Variants in ST6GALNAC3 observed in about 807,000 individuals in gnomAD.
The protein encoded by ST6GALNAC3 is alpha-N-acetylgalactosaminide alpha-2,6-sialyltransferase 3.
ST6GALNAC3 carries 25 observed loss-of-function variants against 32.7 expected under a neutral mutation model. That is an observed-to-expected ratio of 0.76 (90% CI 0.56 to 1.07). The LOEUF is 1.07. Ranked by LOEUF, ST6GALNAC3 falls within the 50% of genes least tolerant of loss-of-function variation. The probability of loss-of-function intolerance (pLI) is 0.00; values close to 1 mark genes in which losing one functional copy is unlikely to be tolerated. For synonymous variants in ST6GALNAC3, 129 were observed against 133.1 expected, an observed-to-expected ratio of 0.97 and a Z score of 0.21; for missense variants, 355 against 382.4, an observed-to-expected ratio of 0.93 and a Z score of 0.60.
chr1:76,631,028 T>C lies in ST6GALNAC3; in HGVS notation c.*2222T>C, dbSNP rs1009934113. The C allele has an allele frequency of 3.0e-6, 3 of 985,508 alleles. No homozygotes were observed. Among genetic ancestry groups the C allele is most frequent in the Non-Finnish European group, 3.6e-6 (3 of 829,848 alleles). 61.0% of individuals were successfully genotyped at this position (985,508 alleles called of 1,614,324 possible). The stretch of plus-strand genomic sequence containing the variant: ...AACTCTTATTTGTTCTAGCCCCTAC[T>C]GATGAGAAACATTTGAAAACTTGCT... On this transcript the variant is annotated 3_prime_UTR_variant, in exon 5 of 5. Transcript: ENST00000328299.
chr1:76,446,095 C>T (rs1557892842), intron 3 of ST6GALNAC3, among the ~76,000 whole-genome samples: 1 of 152,214 alleles, frequency 6.6e-6, no homozygotes, highest in Admixed American at 6.5e-5. Context: ...ATTCCTTGTA[C>T]AGCCAACAAT....
intron 3 of ST6GALNAC3, among the ~76,000 whole-genome samples, chr1:76,430,900 C>T (rs1655706333): frequency 6.6e-6 from 1 of 152,200 alleles, no homozygotes; most frequent in African/African-American, 2.4e-5. Context: ...TGATTTCATA[C>T]TTACAAAGTA....
chr1:76,579,508 T>C (rs1246277569), intron 3 of ST6GALNAC3, among the ~76,000 whole-genome samples: 3 of 152,122 alleles, frequency 2.0e-5, no homozygotes, highest in African/African-American at 7.2e-5. Context: ...AATTATCTAA[T>C]GCATCATACA....
chr1:76,580,090 A>G (rs1233163984), intron 3 of ST6GALNAC3, among the ~76,000 whole-genome samples: 2 of 152,058 alleles, frequency 1.3e-5, no homozygotes, highest in African/African-American at 4.8e-5. Flanking sequence ...TTTTATTTAC[A>G]GTTTTCAAAA....
At chr1:76,450,975 G>A (rs1007268044) in intron 3 of ST6GALNAC3, among the ~76,000 whole-genome samples, 1 of 152,128 alleles carries the variant, frequency 6.6e-6, no homozygotes, top group East Asian at 1.9e-4. Flanking sequence ...TTTGAAGTCA[G>A]GTAATGTGAT....
intron 1 of ST6GALNAC3, among the ~76,000 whole-genome samples, chr1:76,217,714 A>G (rs1343179122): frequency 6.6e-6 from 1 of 152,144 alleles, no homozygotes; most frequent in East Asian, 1.9e-4. Flanking sequence ...TATCATTCTT[A>G]CGCCTTTGCG....
intron 1 of ST6GALNAC3, among the ~76,000 whole-genome samples, chr1:76,165,672 C>T (rs1652077422): frequency 6.6e-6 from 1 of 152,174 alleles, no homozygotes; most frequent in Non-Finnish European, 1.5e-5. Context: ...ACAACTTCAC[C>T]AGCATCTGTT....
chr1:76,466,026 A>G (rs920748209), intron 3 of ST6GALNAC3, among the ~76,000 whole-genome samples: 4 of 152,152 alleles, frequency 2.6e-5, no homozygotes, highest in African/African-American at 7.2e-5. Context: ...GTATCACTGT[A>G]AAATGTTTTA....
At chr1:76,609,814 C>G (rs992944938) in intron 3 of ST6GALNAC3, among the ~76,000 whole-genome samples, 2 of 152,016 alleles carry the variant, frequency 1.3e-5, no homozygotes, top group African/African-American at 4.8e-5. Context: ...ATTAGCACCC[C>G]CCTTGACTTG....
chr1:76,351,861 A>G (rs1171372374), intron 2 of ST6GALNAC3, among the ~76,000 whole-genome samples: 1 of 152,192 alleles, frequency 6.6e-6, no homozygotes, highest in Admixed American at 6.5e-5. Flanking sequence ...GCAGGCTATA[A>G]TTACAATGCA....
At chr1:76,520,275 A>G (rs1252591657) in intron 3 of ST6GALNAC3, among the ~76,000 whole-genome samples, 1 of 152,198 alleles carries the variant, frequency 6.6e-6, no homozygotes, top group Non-Finnish European at 1.5e-5. Flanking sequence ...ACAAGGGAAG[A>G]GAGACACATA....
At chr1:76,295,335 G>A (rs1660337869) in intron 1 of ST6GALNAC3, among the ~76,000 whole-genome samples, 2 of 152,078 alleles carry the variant, frequency 1.3e-5, no homozygotes, top group South Asian at 4.1e-4. Flanking sequence ...TCTACCAAGT[G>A]TATTATGCTT....
At chr1:76,486,972 C>T (rs915029205) in intron 3 of ST6GALNAC3, among the ~76,000 whole-genome samples, 18 of 152,094 alleles carry the variant, frequency 1.2e-4, no homozygotes, top group Non-Finnish European at 2.6e-4. Flanking sequence ...TTTTATTTCT[C>T]CTTCATTTGT....
intron 1 of ST6GALNAC3, among the ~76,000 whole-genome samples, chr1:76,217,458 C>T (rs533705440): frequency 2.0e-5 from 3 of 152,204 alleles, no homozygotes; most frequent in Non-Finnish European, 2.9e-5. Context: ...AATAGTGCCT[C>T]CTCTTCCCTA....
intron 1 of ST6GALNAC3, among the ~76,000 whole-genome samples, chr1:76,182,719 G>C (rs755203456): frequency 1.3e-5 from 2 of 152,112 alleles, no homozygotes; most frequent in African/African-American, 4.8e-5. Context: ...TAAACAAAGC[G>C]ATTTTTTAAG....
At chr1:76,186,154 C>G (rs187648102) in intron 1 of ST6GALNAC3, among the ~76,000 whole-genome samples, 11 of 152,302 alleles carry the variant, frequency 7.2e-5, no homozygotes, top group Middle Eastern at 3.4e-3. Context: ...ACATTACACT[C>G]TTCCACCCAC....
chr1:76,343,775 A>G (rs1648263226), intron 2 of ST6GALNAC3, among the ~76,000 whole-genome samples: 1 of 152,248 alleles, frequency 6.6e-6, no homozygotes, highest in Non-Finnish European at 1.5e-5. Flanking sequence ...TTTTATTTTC[A>G]TAAGACTTGA....
intron 3 of ST6GALNAC3, among the ~76,000 whole-genome samples, chr1:76,591,035 A>C (rs1647039120): frequency 1.3e-5 from 2 of 152,240 alleles, no homozygotes; most frequent in South Asian, 4.1e-4. Context: ...GCTAGATAAA[A>C]GCTACTAAAG....
rs530611277 is a variant in ST6GALNAC3, at chr1:76,503,337, G to A, written c.623+90920G>A. Among the ~76,000 whole-genome samples, 12 of 152,302 alleles carry A rather than the reference G, an allele frequency of 7.9e-5. No homozygotes were observed. In the East Asian group the frequency reaches 1.2e-3, roughly 15 times the overall value. On this transcript the variant is annotated intron_variant, in intron 3 of 4. Transcript: ENST00000328299. ...CCCCTCCATTTGGCTTAGCTCTGCC[G>A]CAGTCAGGCAGGAAGAACGCCCACT...
Sources: gnomAD v4.1 joint callset for allele counts (sites outside exome capture counted in the v4.1 genomes callset) on GRCh38, gnomAD v4.1.1 for gene constraint, MANE v1.5 for transcripts, NCBI Gene and HGNC (gene_info 2026-07-23, HGNC 2026-07-21) for gene names.